Variants in ABCB9 observed in about 807,000 individuals in gnomAD.
The protein encoded by ABCB9 is ABC-type oligopeptide transporter ABCB9.
In ABCB9, 36 loss-of-function variants were observed where a neutral mutation model predicts 62.0. The observed-to-expected ratio is 0.58, with a 90% confidence interval of 0.45 to 0.77. The LOEUF (loss-of-function observed/expected upper bound fraction) is 0.77. ABCB9 is among the 30% of genes least tolerant of loss of function. ABCB9 has a pLI of 0.00. For missense variants in ABCB9, 943 were observed against 1,054.7 expected, an observed-to-expected ratio of 0.89 and a Z score of 1.47; for synonymous variants, 435 against 461.4, an observed-to-expected ratio of 0.94 and a Z score of 0.73.
At chr12:122,953,427 G>T (rs564504251) in intron 2 of ABCB9, among the ~76,000 whole-genome samples, 1 of 151,440 alleles carries the variant, frequency 6.6e-6, no homozygotes, top group South Asian at 2.1e-4. Context: ...GCACTCCGTC[G>T]CCCAGGCTGG....
rs1244889626 is a variant in ABCB9, at chr12:122,946,241, CAAG to C, written c.1054-22_1054-20del. The C allele has an allele frequency of 1.2e-6, 2 of 1,613,824 alleles. No homozygotes were observed. Among genetic ancestry groups the C allele is most frequent in the East Asian group, 4.5e-5 (2 of 44,890 alleles). ...AGAGCCTCTATGGACAGGAGGGGGA[CAAG>C]AAGGAGAAGACCCCAAAACAGCCTC... On this transcript the variant is annotated intron_variant, in intron 5 of 11. Transcript: ENST00000280560.
At chr12:122,935,136 T>C in intron 10 of ABCB9, 136 bp downstream of exon 10, 2 of 1,098,426 alleles carry the variant, frequency 1.8e-6, no homozygotes, top group East Asian at 2.8e-5. Flanking sequence ...GGTTCGAGTC[T>C]GGCCAGGGTA....
chr12:122,948,729 G>A lies in ABCB9; in HGVS notation c.948C>T (p.Gly316=), dbSNP rs762979814. The stretch of plus-strand genomic sequence containing the variant: ...AGAGGCTGAACATGAAGACCACCAC[G>A]CCCGTGACCTTGACTGTGTTCCGCA... ...VFLRNTVKVT[G]VVVFMFSLSW... The change falls in exon 5 of 12, where the codon GGC becomes GGT. Residue 316 remains glycine (G), a synonymous_variant. Transcript: ENST00000280560. The A allele has an allele frequency of 5.6e-6, 9 of 1,613,816 alleles. No individual in the cohort carries two copies. The highest frequency in any genetic ancestry group is 2.7e-5 in the African/African-American group (2 of 74,912).
chr12:122,966,469 G>A (rs2037182334), upstream of ABCB9: 1 of 152,280 alleles, frequency 6.6e-6, no homozygotes, highest in Admixed American at 6.5e-5. Flanking sequence ...AGACTGGCGT[G>A]CGTTGAGACA....
At chr12:122,954,456 C>A (rs113974324) in intron 2 of ABCB9, among the ~76,000 whole-genome samples, 6,475 of 152,060 alleles carry the variant, frequency 0.043, 453 homozygotes, top group African/African-American at 0.15. Flanking sequence ...GATCTGCCCC[C>A]CCTTGCTGAG....
At chr12:122,923,401 C>CA (rs2034801160) in intron 11 of ABCB9, among the ~76,000 whole-genome samples, 1 of 152,128 alleles carries the variant, frequency 6.6e-6, no homozygotes, top group African/African-American at 2.4e-5. Context: ...CATTCTCCTG[C>CA]TCAGCCTCCC....
At chr12:122,972,732 CGAACTCCT>C (rs2037292685) in intron 1 of ABCB9, 1 of 152,040 alleles carries the variant, frequency 6.6e-6, no homozygotes, top group Non-Finnish European at 1.5e-5. Context: ...AGGCTGGTCT[CGAACTCCT>C]GACCTCAGGT....
In ABCB9 at chr12:122,963,835, C is replaced by T. The variant is rs552414936; in HGVS notation, c.-88+2452G>A. ...TAGTCAGCAGCTGCCCCTCCAAAGA[C>T]GGTCAGGGCCAAGCAGGGTCAAGGG... On this transcript the variant is annotated intron_variant, in intron 1 of 11. Transcript: ENST00000280560. Among the ~76,000 whole-genome samples, 7 of 152,256 alleles carry T rather than the reference C, an allele frequency of 4.6e-5. No homozygotes were observed. In the South Asian group the frequency reaches 1.0e-3, roughly 23 times the overall value.
chr12:122,965,207 C>T (rs567916055), intron 1 of ABCB9, among the ~76,000 whole-genome samples: 1 of 152,090 alleles, frequency 6.6e-6, no homozygotes, highest in Admixed American at 6.5e-5. Context: ...AGGATGGAGA[C>T]CCGCATCCAG....
downstream of ABCB9, among the ~76,000 whole-genome samples, chr12:122,919,856 C>A (rs1287353040): frequency 6.7e-6 from 1 of 149,744 alleles, no homozygotes; most frequent in Non-Finnish European, 1.5e-5. Flanking sequence ...TAGGACCTCC[C>A]CCTGGGTGAC....
At chr12:122,969,859 C>G (rs568683638), upstream of ABCB9, among the ~76,000 whole-genome samples, 1 of 152,176 alleles carries the variant, frequency 6.6e-6, no homozygotes, top group African/African-American at 2.4e-5. Flanking sequence ...ACACTGACAA[C>G]ACCAAATGCT....
At position 122,932,030 on chromosome 12, in the gene ABCB9, G is replaced by T; in HGVS notation, c.2040+162C>A. 3 of 1,294,782 alleles carry T rather than the reference G, an allele frequency of 2.3e-6. No individual in the cohort carries two copies. Among genetic ancestry groups the T allele is most frequent in the South Asian group, 1.4e-5 (1 of 73,646 alleles). 80.2% of individuals were successfully genotyped at this position (1,294,782 alleles called of 1,614,324 possible). On this transcript the variant is annotated intron_variant, in intron 11 of 11. Transcript: ENST00000280560. This position sits in a 1 kb window ranked among gnomAD's most constrained non-coding sequence, Gnocchi z 4.7. ...GAGGCTGGGTCCAGAGTGGCTCCTG[G>T]CTCCCCACTCTCAACACCAGGAATT...
At chr12:122,945,793 G>A (rs1380066668) in intron 6 of ABCB9, among the ~76,000 whole-genome samples, 4 of 150,476 alleles carry the variant, frequency 2.7e-5, no homozygotes, top group Non-Finnish European at 5.9e-5. Flanking sequence ...CAGGAGAATC[G>A]CTTGAACCCA....
At chr12:122,925,552 T>C (rs2034876733), downstream of ABCB9, among the ~76,000 whole-genome samples, 1 of 151,968 alleles carries the variant, frequency 6.6e-6, no homozygotes. Context: ...ATTGAGACCA[T>C]TCTGGCTAAC....
chr12:122,966,180 A>G (rs2037162834), intron 1 of ABCB9, 107 bp downstream of exon 1: 1 of 152,294 alleles, frequency 6.6e-6, no homozygotes, highest in Non-Finnish European at 1.5e-5. Flanking sequence ...CGAGATGCCT[A>G]TTCCCACCGA....
At chr12:122,920,553 C>A (rs1291641168), downstream of ABCB9, among the ~76,000 whole-genome samples, 1 of 151,988 alleles carries the variant, frequency 6.6e-6, no homozygotes, top group Non-Finnish European at 1.5e-5. Flanking sequence ...TTTGAAAAAA[C>A]TGCATTAACC....
At chr12:122,928,210 C>T (rs2034962646), downstream of ABCB9, among the ~76,000 whole-genome samples, 1 of 152,178 alleles carries the variant, frequency 6.6e-6, no homozygotes, top group Admixed American at 6.5e-5. Flanking sequence ...TGGCTCACGC[C>T]TATAATCCCA....
chr12:122,922,170 T>C (rs2034763541), intron 11 of ABCB9, among the ~76,000 whole-genome samples: 1 of 152,134 alleles, frequency 6.6e-6, no homozygotes, highest in African/African-American at 2.4e-5. Flanking sequence ...GAAGTCTTCC[T>C]GGGCCACAGC....
At chr12:122,919,286 C>T (rs561231592), downstream of ABCB9, among the ~76,000 whole-genome samples, 4 of 152,272 alleles carry the variant, frequency 2.6e-5, no homozygotes, top group South Asian at 2.1e-4. Flanking sequence ...GATCCTCCTG[C>T]CTCAGCCACA....
Sources: gnomAD v4.1 joint callset for allele counts (sites outside exome capture counted in the v4.1 genomes callset) on GRCh38, gnomAD v4.1.1 for gene constraint, Gnocchi (gnomAD v3.1) non-coding constraint, MANE v1.5 for transcripts, NCBI Gene and HGNC (gene_info 2026-07-23, HGNC 2026-07-21) for gene names.